Variants in INSRR observed in about 807,000 individuals in gnomAD.
The protein encoded by INSRR is insulin receptor-related protein.
Under a neutral mutation model 130.0 loss-of-function variants are expected in INSRR, and 114 were observed. The ratio of observed to expected loss-of-function variants is 0.88; its 90% CI spans 0.75 to 1.02. The LOEUF is 1.02. Among genes scored for constraint, INSRR ranks in the 50% least tolerant of loss-of-function variants. The pLI is 0.00. For missense variants in INSRR, 1,657 were observed against 1,735.2 expected (o/e 0.95, Z 0.80); for synonymous variants, 674 against 705.2 (o/e 0.96, Z 0.70).
intron 17 of INSRR, 43 bp from the exon 18 acceptor site, chr1:156,842,551 G>A (rs763917737): frequency 6.5e-7 from 1 of 1,533,904 alleles, no homozygotes. Flanking sequence ...AGTTCCCCTT[G>A]ACCCATTTGG....
At chr1:156,841,985 A>T in intron 19 of INSRR, 127 bp downstream of exon 19, 2 of 1,555,120 alleles carry the variant, frequency 1.3e-6, no homozygotes, top group Non-Finnish European at 8.8e-7. Context: ...ACTAAGATAC[A>T]GGGTGGGGGT....
rs1051625096 is a variant in INSRR, at chr1:156,859,077, C to A, written c.-456G>T. On this transcript the variant is annotated 5_prime_UTR_variant, in exon 1 of 22. Coordinates refer to ENST00000368195, the MANE Select transcript of INSRR (RefSeq NM_014215.3). This position sits in a 1 kb window ranked among gnomAD's most constrained non-coding sequence, Gnocchi z 6.2. ...TCCCTGGATCCCTCCGGGCGCGCGG[C>A]CCCCCAGCGCCAGCTGACAGTGCTG... is the stretch of plus-strand genomic sequence containing the variant. The A allele has an allele frequency of 2.7e-4, 43 of 157,818 alleles. No individual in the cohort carries two copies. The highest frequency in any genetic ancestry group is 9.6e-4 in the African/African-American group (40 of 41,454). 9.8% of individuals were successfully genotyped at this position (157,818 alleles called of 1,614,324 possible).
Position 156,843,283 on chromosome 1 carries a change from C to G in INSRR, c.2897-50G>C. ...AGCGAGGATGCTGCTCTCTGCCACA[C>G]CTCACCCCCCAACTTCTCTTCTCCT... On this transcript the variant is annotated intron_variant, in intron 16 of 21. Coordinates refer to ENST00000368195, the MANE Select transcript of INSRR (RefSeq NM_014215.3). 5.1e-6 allele frequency: 8 copies of G among 1,583,206 alleles called. 1 individual carries two copies. The highest frequency in any genetic ancestry group is 2.2e-5 in the South Asian group (2 of 90,438).
rs764071208 is a variant in INSRR at position 156,858,575 on chromosome 1, A to C, written c.47T>G (p.Ile16Ser). 1.2e-6 allele frequency: 2 copies of C among 1,614,088 alleles called. No individual in the cohort carries two copies. The highest frequency in any genetic ancestry group is 8.5e-7 in the Non-Finnish European group (1 of 1,180,010). The stretch of plus-strand genomic sequence containing the variant: ...CAGGCCAAATCCCAAGGAGAGGAAG[A>C]TCACAGGCAGGCATGCTCCCCAGGG... ...LWPWGACLPV[I>S]FLSLGFGLDT... The change falls in exon 1 of 22, where the codon ATC (isoleucine) becomes AGC (serine). Residue 16 changes from isoleucine to serine, a missense_variant. Physicochemically the swap from Ile to Ser is moderately radical, Grantham distance 142. Coordinates refer to ENST00000368195, the MANE Select transcript of INSRR (RefSeq NM_014215.3).
At position 156,842,065 on chromosome 1, in the gene INSRR, T is replaced by G. The variant is rs1245400627; in HGVS notation, c.3397+47A>C. 2.5e-6 allele frequency: 4 copies of G among 1,609,604 alleles called. No individual in the cohort carries two copies. The Admixed American group carries it at 6.7e-5, about 27-fold the overall frequency. ...TCTCCTGATGCCTAGCTTAAGGGAG[T>G]CTCTCTACTTTTCAGGCCGCCCTCA... On this transcript the variant is annotated intron_variant, in intron 19 of 21. Coordinates refer to ENST00000368195, the MANE Select transcript of INSRR (RefSeq NM_014215.3).
Position 156,851,940 on chromosome 1 carries a change from G to A in INSRR, c.889C>T (p.Gln297Ter), listed in dbSNP as rs1428746661. The A allele has an allele frequency of 3.7e-6, 6 of 1,605,254 alleles. No individual in the cohort carries two copies. Among genetic ancestry groups the A allele is most frequent in the Non-Finnish European group, 5.1e-6 (6 of 1,173,382 alleles). The stretch of plus-strand genomic sequence containing the variant: ...GGGCACTGGGCCAGGCAACTGCCCT[G>A]GTGTATGCCGAAGGTGGAGGCACGG... ...PGRASTFGIH[Q>*]GSCLAQCPSG... is the part of the protein sequence containing the mutation. The change falls in exon 3 of 22, where the codon CAG becomes TAG. Residue 297 changes from glutamine to a stop codon, truncating the protein, a stop_gained. Coordinates refer to ENST00000368195, the MANE Select transcript of INSRR (RefSeq NM_014215.3). LOFTEE classifies it high-confidence loss of function.
rs56179140 is a variant in INSRR, at chr1:156,851,974, A to G, written c.855T>C (p.Ser285=). 8.7e-4 allele frequency: 1,400 copies of G among 1,609,082 alleles called. 12 individuals are homozygous for G. In the African/African-American group the frequency reaches 0.016, roughly 18 times the overall value. The change falls in exon 3 of 22, where the codon TCT becomes TCC. Residue 285 remains serine (S), a synonymous_variant. Coordinates refer to ENST00000368195, the MANE Select transcript of INSRR (RefSeq NM_014215.3). ...VTAERCASLH[S]VPGRASTFGI... is the part of the protein sequence containing the mutation. ...CGAAGGTGGAGGCACGGCCGGGCAC[A>G]GAGTGCAGGCTGGCACAGCGCTCAG...
rs538198208 is a variant in INSRR, at chr1:156,845,882, C to T, written c.1979-68G>A. 1.0e-5 allele frequency: 16 copies of T among 1,597,376 alleles called. No individual in the cohort carries two copies. In the African/African-American group the frequency reaches 1.7e-4, roughly 17 times the overall value. ...CCCGCCTCTGATCCCCCCCACCTGCCGGGGCCCTGCGCCTCCATCTCCCCT... is the reference window on the plus strand; with the variant it reads ...CCCGCCTCTGATCCCCCCCACCTGCTGGGGCCCTGCGCCTCCATCTCCCCT... On this transcript the variant is annotated intron_variant, in intron 9 of 21. Coordinates refer to ENST00000368195, the MANE Select transcript of INSRR (RefSeq NM_014215.3).
intron 5 of INSRR, 111 bp from the exon 6 acceptor site, chr1:156,849,571 G>T (rs1655133280): frequency 2.7e-6 from 2 of 741,266 alleles, no homozygotes; most frequent in South Asian, 1.7e-5. Context: ...GGGGAGAGGG[G>T]CACTCAGTGG....
chr1:156,852,111 G>C lies in INSRR; in HGVS notation c.718C>G (p.Pro240Ala). 6.2e-7 allele frequency: 1 copy of C among 1,613,666 alleles called. No individual in the cohort carries two copies. Among genetic ancestry groups the C allele is most frequent in the South Asian group, 1.1e-5 (1 of 91,070 alleles). ...GCTACACAGGCACGAGGGTCTTCTG[G>C]CTGGCTGCAGCCCCCCAGGCATTCG... Reference protein sequence around the residue: ...HTECLGGCSQPEDPRACVACR... With the variant: ...HTECLGGCSQAEDPRACVACR... The change falls in exon 3 of 22, where the codon CCA becomes GCA. Residue 240 changes from proline (P) to alanine (A), a missense_variant. Coordinates refer to ENST00000368195, the MANE Select transcript of INSRR (RefSeq NM_014215.3).
intron 5 of INSRR, among the ~76,000 whole-genome samples, chr1:156,850,617 C>G (rs575241231): frequency 7.3e-6 from 1 of 136,894 alleles, no homozygotes; most frequent in African/African-American, 2.8e-5. Context: ...TGCAGTGGCA[C>G]GATTTCGGCT....
In INSRR at chr1:156,854,073, C is replaced by A; in HGVS notation, c.316G>T (p.Gly106Trp). The change falls in exon 2 of 22, where the codon GGG (glycine) becomes TGG (tryptophan). Residue 106 changes from glycine (G) to tryptophan (W), a missense_variant. Coordinates refer to ENST00000368195, the MANE Select transcript of INSRR (RefSeq NM_014215.3). This position sits in a 1 kb window ranked among gnomAD's most constrained non-coding sequence, Gnocchi z 4.2. ...GCATAGCCCAGGAAGAGGCGCGTCC[C>A]GCGGATGACTGCTAGGTTGGGGAAG... ...DLFPNLAVIR[G>W]TRLFLGYALV... is the part of the protein sequence containing the mutation. The A allele has an allele frequency of 6.2e-7, 1 of 1,614,080 alleles. No individual in the cohort carries two copies. The highest frequency in any genetic ancestry group is 8.5e-7 in the Non-Finnish European group (1 of 1,180,048).
chr1:156,845,553 C>T, intron 10 of INSRR, 66 bp downstream of exon 10: 1 of 1,420,422 alleles, frequency 7.0e-7, no homozygotes, highest in Admixed American at 2.5e-5. Flanking sequence ...CCCACCCCTC[C>T]CGCAAGACCC....
chr1:156,845,793 T>C lies in INSRR; in HGVS notation c.2000A>G (p.Asn667Ser). Residue 667 changes from asparagine to serine, a missense_variant, in exon 10 of 22, where the codon AAC becomes AGC. Coordinates refer to ENST00000368195, the MANE Select transcript of INSRR (RefSeq NM_014215.3). ...TTCGCCGTCGAAGCGCGGATCGTTG[T>C]TGCTGGTGGGCAGCCGCAAGCCTGG... ...CHRGLRLPTS[N>S]NDPRFDGEDG... 6.2e-7 allele frequency: 1 copy of C among 1,612,812 alleles called. No individual in the cohort carries two copies. The highest frequency in any genetic ancestry group is 8.5e-7 in the Non-Finnish European group (1 of 1,179,850).
Position 156,844,744 on chromosome 1 carries a change from A to C in INSRR, c.2537T>G (p.Ile846Ser). ...WLEPPDPNGL[I>S]LKYEIKYRRL... ...GCGGTACTTGATTTCGTACTTGAGG[A>C]TGAGTCCGTTGGGGTCTGGTGGCTC... Residue 846 changes from isoleucine to serine, a missense_variant, in exon 13 of 22, where the codon ATC becomes AGC. Ile to Ser is a moderately radical substitution (Grantham distance 142). Transcript: ENST00000368195. The C allele has an allele frequency of 6.2e-7, 1 of 1,614,068 alleles. No homozygotes were observed. Among genetic ancestry groups the C allele is most frequent in the East Asian group, 2.2e-5 (1 of 44,848 alleles).
At position 156,851,950 on chromosome 1, in the gene INSRR, G is replaced by A. The variant is rs55881234; in HGVS notation, c.879C>T (p.Phe293=). ...CCAGGCAACTGCCCTGGTGTATGCC[G>A]AAGGTGGAGGCACGGCCGGGCACAG... The part of the protein sequence containing the change: ...LHSVPGRAST[F]GIHQGSCLAQ... The change falls in exon 3 of 22, where the codon TTC becomes TTT. Residue 293 remains phenylalanine (F), a synonymous_variant. Transcript: ENST00000368195. 1.8e-3 allele frequency: 2,949 copies of A among 1,606,512 alleles called. 8 individuals are homozygous for A. The highest frequency in any genetic ancestry group is 2.2e-3 in the Non-Finnish European group (2,602 of 1,174,066).
At position 156,841,033 on chromosome 1, in the gene INSRR, C is replaced by A. The variant is rs762252294; in HGVS notation, c.3734G>T (p.Ser1245Ile). The A allele has an allele frequency of 6.2e-7, 1 of 1,601,546 alleles. No homozygotes were observed. Among genetic ancestry groups the A allele is most frequent in the African/African-American group, 1.3e-5 (1 of 74,714 alleles). The change falls in exon 22 of 22, where the codon AGC (serine) becomes ATC (isoleucine). Residue 1245 changes from serine (S) to isoleucine (I), a missense_variant. By Grantham distance (142) the Ser-to-Ile change is moderately radical (BLOSUM62 -2). Transcript: ENST00000368195. ...GGAGGGCCGCAGCTCCTCCTGTATG[C>A]TGTCCAGAATGTGTGTGAAAGATGG... ...LRPSFTHILDSIQEELRPSFR... is the reference protein window; with the variant it reads ...LRPSFTHILDIIQEELRPSFR...
rs760852707 is a variant in INSRR, at chr1:156,846,007, CA to C, written c.1922del (p.Leu641ArgfsTer90). On this transcript the variant is annotated frameshift_variant, in exon 9 of 22. Coordinates refer to ENST00000368195, the MANE Select transcript of INSRR (RefSeq NM_014215.3). LOFTEE classifies it high-confidence loss of function. ...RNGNLTYYLV[L>X]WQRLAEDGDL... ...CGCCGTCCTCTGCCAGCCGCTGCCA[CA>C]GCACCAGGTAGTAGGTGAGGTTCCC... is the stretch of plus-strand genomic sequence containing the variant. The C allele has an allele frequency of 6.2e-7, 1 of 1,614,164 alleles. No individual in the cohort carries two copies. The highest frequency in any genetic ancestry group is 1.1e-5 in the South Asian group (1 of 91,078).
chr1:156,845,852 G>A (rs1654982848), intron 9 of INSRR, 38 bp from the exon 10 acceptor site: 1 of 1,584,988 alleles, frequency 6.3e-7, no homozygotes, highest in Non-Finnish European at 8.6e-7. Flanking sequence ...AAGACAGGCG[G>A]TCTACCCGCC....
Sources: allele counts gnomAD v4.1 joint callset (sites outside exome capture counted in the v4.1 genomes callset), GRCh38; gene constraint gnomAD v4.1.1; non-coding constraint Gnocchi (gnomAD v3.1); transcripts MANE v1.5; gene names NCBI Gene and HGNC (gene_info 2026-07-23, HGNC 2026-07-21).